The following SYTL5 variants were observed in gnomAD, a reference collection of about 807,000 sequenced individuals.
SYTL5 encodes synaptotagmin-like protein 5.
SYTL5 carries 34 observed loss-of-function variants against 55.9 expected under a neutral mutation model. The ratio of observed to expected loss-of-function variants is 0.61; its 90% CI spans 0.46 to 0.81. The LOEUF (loss-of-function observed/expected upper bound fraction) is 0.81, where lower values mean the gene tolerates loss of function less well. Among genes scored for constraint, SYTL5 ranks in the 30% least tolerant of loss-of-function variants. SYTL5 has a pLI of 0.00. For synonymous variants in SYTL5, 221 were observed against 188.7 expected (o/e 1.17, Z -1.40); for missense variants, 637 against 546.7 (o/e 1.17, Z -1.65).
chrX:37,891,831 A>G, the SYTL5 span, among the ~76,000 whole-genome samples: 3 of 111,504 alleles, frequency 2.7e-5, no homozygotes, highest in East Asian at 8.3e-4. Flanking sequence ...TCTTTTTACA[A>G]TAACCTTACA....
chrX:37,950,457 C>T, the SYTL5 span, among the ~76,000 whole-genome samples: 116 of 111,702 alleles, frequency 1.0e-3, no homozygotes, highest in Non-Finnish European at 1.4e-3. Context: ...TGAATTACTA[C>T]CTTTCAGAAA....
the SYTL5 span, among the ~76,000 whole-genome samples, chrX:37,993,547 G>A: frequency 1.5e-4 from 17 of 112,446 alleles, no homozygotes; most frequent in African/African-American, 3.5e-4. Context: ...ATGGAAATGC[G>A]TTGAAACAAT....
At chrX:37,990,954 G>A in the SYTL5 span, 2 of 1,211,893 alleles carry the variant, frequency 1.7e-6, no homozygotes, top group Non-Finnish European at 2.2e-6. Context: ...TGTGCAAGAT[G>A]AACGAGACGT....
At chrX:37,928,678 T>A in the SYTL5 span, among the ~76,000 whole-genome samples, 1 of 112,328 alleles carries the variant, frequency 8.9e-6, no homozygotes, top group Non-Finnish European at 1.9e-5. Context: ...ATCAGGTTAA[T>A]CAACTGGACA....
chrX:38,076,540 A>C (rs373946018), intron 5 of SYTL5, 27 bp from the exon 6 acceptor site: 1 of 1,059,717 alleles, frequency 9.4e-7, no homozygotes, highest in African/African-American at 1.9e-5. Context: ...TTCTTATCTA[A>C]TTTTAAATAC....
chrX:37,987,931 C>A, the SYTL5 span, among the ~76,000 whole-genome samples: 1 of 111,938 alleles, frequency 8.9e-6, no homozygotes, highest in Non-Finnish European at 1.9e-5. Context: ...TTCTCTGTCT[C>A]AATTCCTCTC....
chrX:37,990,651 T>C, the SYTL5 span, among the ~76,000 whole-genome samples: 1 of 111,917 alleles, frequency 8.9e-6, no homozygotes, highest in Non-Finnish European at 1.9e-5. Flanking sequence ...GGCTGAGGTC[T>C]GATAAGGGAC....
chrX:38,128,386 A>T lies in SYTL5; in HGVS notation c.*1656A>T, dbSNP rs1040994228. The stretch of plus-strand genomic sequence containing the variant: ...GCAGAGTCTGATTACTTGAGCATGA[A>T]CATACCCGACCAAGGTATGTTCTGG... On this transcript the variant is annotated 3_prime_UTR_variant, in exon 17 of 17. Transcript: ENST00000297875. The T allele has an allele frequency of 9.0e-6, 1 of 111,452 alleles. No individual in the cohort carries two copies. Among genetic ancestry groups the T allele is most frequent in the Non-Finnish European group, 1.9e-5 (1 of 53,117 alleles). 9.2% of individuals were successfully genotyped at this position (111,452 alleles called of 1,213,427 possible). A position where few individuals can be genotyped will look rare whatever the true frequency, so the allele number is the denominator to read the frequency against.
intron 2 of SYTL5, among the ~76,000 whole-genome samples, chrX:38,036,705 G>A (rs774642985): frequency 9.0e-6 from 1 of 111,652 alleles, no homozygotes; most frequent in Non-Finnish European, 1.9e-5. Flanking sequence ...TGATGTTGAG[G>A]GTGTATGCTG....
intron 10 of SYTL5, chrX:38,103,034 A>G: frequency 1.7e-6 from 2 of 1,156,111 alleles, no homozygotes; most frequent in Non-Finnish European, 2.3e-6. Context: ...AGAGTTCTCA[A>G]GCAGGTTCTG....
chrX:38,073,254 C>T (rs1404980757), intron 4 of SYTL5, among the ~76,000 whole-genome samples: 27 of 111,933 alleles, frequency 2.4e-4, no homozygotes, highest in Non-Finnish European at 1.9e-4. Flanking sequence ...CAACCTCATG[C>T]TAGAACTCAG....
the SYTL5 span, chrX:37,990,759 G>T: frequency 1.8e-6 from 2 of 1,116,644 alleles, no homozygotes; most frequent in Non-Finnish European, 2.4e-6. Context: ...CAATAGGCAG[G>T]ACTAAGCACT....
chrX:37,948,452 A>G, the SYTL5 span, among the ~76,000 whole-genome samples: 1 of 110,446 alleles, frequency 9.1e-6, no homozygotes, highest in Non-Finnish European at 1.9e-5. Context: ...GAAATCATTT[A>G]CATAATTTTT....
At position 38,090,728 on chromosome X, in the gene SYTL5, C is replaced by T. The variant is rs915225911; in HGVS notation, c.831+1141C>T. 6.2e-5 allele frequency among the ~76,000 whole-genome samples: 7 copies of T among 112,660 alleles called. No homozygotes were observed. In the South Asian group the frequency reaches 1.1e-3, roughly 18 times the overall value. Reference sequence around the variant, plus strand: ...TTTTCTGGGGCAAGGTGTTCCACCACGCAGAGACAGCACTGATATTCAGCA... The same window carrying T: ...TTTTCTGGGGCAAGGTGTTCCACCATGCAGAGACAGCACTGATATTCAGCA... On this transcript the variant is annotated intron_variant, in intron 7 of 16. Coordinates refer to ENST00000297875, the MANE Select transcript of SYTL5 (RefSeq NM_138780.3).
intron 5 of SYTL5, among the ~76,000 whole-genome samples, chrX:38,076,358 C>T (rs747075147): frequency 8.0e-5 from 9 of 111,820 alleles, no homozygotes; most frequent in Admixed American, 9.5e-5. Flanking sequence ...GCAAGTGGTA[C>T]GGTCTTGAGA....
At chrX:38,097,136 A>G (rs1394553782) in intron 9 of SYTL5, among the ~76,000 whole-genome samples, 2 of 111,503 alleles carry the variant, frequency 1.8e-5, no homozygotes, top group African/African-American at 6.5e-5. Flanking sequence ...ACGAATATAC[A>G]TGCAAAACTT....
At chrX:37,966,148 TTCTG>T in the SYTL5 span, among the ~76,000 whole-genome samples, 1 of 111,853 alleles carries the variant, frequency 8.9e-6, no homozygotes, top group Non-Finnish European at 1.9e-5. Context: ...GTCAATCAAT[TTCTG>T]TCTGTCTTTT....
chrX:37,931,056 A>G, the SYTL5 span, among the ~76,000 whole-genome samples: 2 of 112,238 alleles, frequency 1.8e-5, no homozygotes, highest in Admixed American at 9.4e-5. Context: ...AATGGCATGG[A>G]TACAGGGAAG....
chrX:37,919,550 A>C, the SYTL5 span, among the ~76,000 whole-genome samples: 1 of 111,445 alleles, frequency 9.0e-6, no homozygotes, highest in African/African-American at 3.3e-5. Context: ...TTGTAAACTC[A>C]CCCTTGCTCT....
Sources: allele counts gnomAD v4.1 joint callset (sites outside exome capture counted in the v4.1 genomes callset), GRCh38; gene constraint gnomAD v4.1.1; transcripts MANE v1.5; gene names NCBI Gene and HGNC (gene_info 2026-07-23, HGNC 2026-07-21).